The following RNF216 variants were observed in gnomAD, a reference collection of about 807,000 sequenced individuals.
RNF216 encodes ring finger protein 216.
In RNF216, 72 loss-of-function variants were observed where a neutral mutation model predicts 110.8. The observed-to-expected ratio is 0.65, with a 90% confidence interval of 0.54 to 0.79. RNF216 has a LOEUF of 0.79. RNF216 is among the 30% of genes least tolerant of loss of function. RNF216 has a pLI of 0.00. For synonymous variants in RNF216, 495 were observed against 407.5 expected, an observed-to-expected ratio of 1.21 and a Z score of -2.59; for missense variants, 1,342 against 1,141.2, an observed-to-expected ratio of 1.18 and a Z score of -2.54.
At chr7:5,623,989 G>T in intron 16 of RNF216, 67 bp downstream of exon 16, 2 of 1,386,944 alleles carry the variant, frequency 1.4e-6, no homozygotes, top group Non-Finnish European at 2.0e-6. Context: ...GACACTCAGG[G>T]AGGCCAGCAG....
intron 15 of RNF216, among the ~76,000 whole-genome samples, chr7:5,631,380 T>C (rs1335506698): frequency 6.6e-6 from 1 of 152,046 alleles, no homozygotes; most frequent in Non-Finnish European, 1.5e-5. Flanking sequence ...ATAACCCTCA[T>C]CTCTTGAGCC....
At chr7:5,711,059 T>C (rs1275212162) in intron 13 of RNF216, among the ~76,000 whole-genome samples, 1 of 152,222 alleles carries the variant, frequency 6.6e-6, no homozygotes, top group Non-Finnish European at 1.5e-5. Context: ...GCAAAGATAT[T>C]GCAGTGTTCA....
chr7:5,746,179 C>A (rs1795020546), intron 3 of RNF216, among the ~76,000 whole-genome samples: 1 of 152,132 alleles, frequency 6.6e-6, no homozygotes, highest in Non-Finnish European at 1.5e-5. Context: ...GCTCTGCTGT[C>A]TTTTTAGCAC....
chr7:5,657,482 G>C (rs925536343), intron 13 of RNF216, among the ~76,000 whole-genome samples: 3 of 152,124 alleles, frequency 2.0e-5, no homozygotes, highest in Non-Finnish European at 4.4e-5. Context: ...CAGGAGAATA[G>C]CTTGAACCCA....
At chr7:5,761,434 A>G (rs191327340) in intron 1 of RNF216, among the ~76,000 whole-genome samples, 64 of 152,358 alleles carry the variant, frequency 4.2e-4, no homozygotes, top group Middle Eastern at 3.4e-3. Flanking sequence ...AATTCACAAA[A>G]AAGAAAACAC....
chr7:5,781,005 A>C (rs974753703), intron 1 of RNF216, among the ~76,000 whole-genome samples: 1 of 151,858 alleles, frequency 6.6e-6, no homozygotes, highest in Non-Finnish European at 1.5e-5. Flanking sequence ...GCCCCGCAGA[A>C]GGGTTTGACG....
chr7:5,643,036 G>A (rs1467882457), intron 14 of RNF216, among the ~76,000 whole-genome samples: 1 of 152,080 alleles, frequency 6.6e-6, no homozygotes, highest in East Asian at 1.9e-4. Context: ...TTGCTCATCC[G>A]ATCTGTCTGG....
At chr7:5,772,913 G>A (rs1796574128) in intron 1 of RNF216, among the ~76,000 whole-genome samples, 1 of 151,874 alleles carries the variant, frequency 6.6e-6, no homozygotes, top group African/African-American at 2.4e-5. Context: ...CGAGTAGCTG[G>A]GATTACAGGC....
At chr7:5,773,241 A>T (rs1796595697) in intron 1 of RNF216, among the ~76,000 whole-genome samples, 1 of 151,686 alleles carries the variant, frequency 6.6e-6, no homozygotes, top group Non-Finnish European at 1.5e-5. Flanking sequence ...TTTTCCCCAA[A>T]TAAGATTTTT....
intron 13 of RNF216, among the ~76,000 whole-genome samples, chr7:5,694,420 A>G (rs977818818): frequency 1.7e-4 from 25 of 146,940 alleles, no homozygotes; most frequent in African/African-American, 6.3e-4. Context: ...CTATCTGGGT[A>G]ATAACATTTG....
chr7:5,721,127 C>T lies in RNF216; in HGVS notation c.1550G>A (p.Arg517Gln), dbSNP rs747273538. 5.6e-6 allele frequency: 9 copies of T among 1,613,760 alleles called. No homozygotes were observed. Among genetic ancestry groups the T allele is most frequent in the African/African-American group, 1.3e-5 (1 of 74,904 alleles). ...TCGGTCATAGGACCTACAATGTCGT[C>T]GCTTATTTTCAAGAAAGAACATCCT... Reference protein sequence around the residue: ...EKRMFFLENKRRHCRSYDRRA... With the variant: ...EKRMFFLENKQRHCRSYDRRA... The change falls in exon 9 of 17, where the codon CGA (arginine) becomes CAA (glutamine). Residue 517 changes from arginine to glutamine, a missense_variant. Coordinates refer to ENST00000389902, the MANE Select transcript of RNF216 (RefSeq NM_207111.4).
chr7:5,777,182 C>T (rs958295612), intron 1 of RNF216, among the ~76,000 whole-genome samples: 19 of 152,140 alleles, frequency 1.2e-4, no homozygotes, highest in Admixed American at 9.8e-4. Flanking sequence ...ATTGTGGAAG[C>T]GGATGCTCCA....
chr7:5,702,872 G>A (rs1272862278), intron 13 of RNF216, among the ~76,000 whole-genome samples: 2 of 152,184 alleles, frequency 1.3e-5, no homozygotes, highest in African/African-American at 4.8e-5. Context: ...TGGTGTCTGC[G>A]ACCCACTCAG....
chr7:5,698,683 C>T (rs768627197), intron 13 of RNF216, among the ~76,000 whole-genome samples: 2 of 152,152 alleles, frequency 1.3e-5, no homozygotes, highest in Non-Finnish European at 2.9e-5. Context: ...CATGAGCCAC[C>T]GCTCCGGCCT....
intron 3 of RNF216, among the ~76,000 whole-genome samples, chr7:5,747,745 TC>T (rs1562457384): frequency 1.8e-3 from 20 of 10,996 alleles, no homozygotes; most frequent in African/African-American, 6.0e-3. Flanking sequence ...AGACTCCATC[TC>T]AAAAAAAAAA....
intron 14 of RNF216, among the ~76,000 whole-genome samples, chr7:5,645,882 G>A (rs571043901): frequency 2.6e-5 from 4 of 152,272 alleles, no homozygotes; most frequent in African/African-American, 9.6e-5. Context: ...GAGCCACTGC[G>A]CCTGGCTGGT....
At chr7:5,650,809 T>C (rs1214591804) in intron 14 of RNF216, among the ~76,000 whole-genome samples, 2 of 152,190 alleles carry the variant, frequency 1.3e-5, no homozygotes, top group Admixed American at 6.5e-5. Flanking sequence ...TCCTTAACCA[T>C]ACAACCAAGG....
At chr7:5,690,044 G>T (rs1791235686) in intron 13 of RNF216, among the ~76,000 whole-genome samples, 1 of 152,110 alleles carries the variant, frequency 6.6e-6, no homozygotes, top group Middle Eastern at 3.4e-3. Context: ...AGGTTTTATG[G>T]CCAGGCGCGG....
rs564912065 is a variant in RNF216 at position 5,681,347 on chromosome 7, T to C, written c.2062-28837A>G. 2.0e-5 allele frequency among the ~76,000 whole-genome samples: 3 copies of C among 152,308 alleles called. No individual in the cohort carries two copies. In the South Asian group the frequency reaches 6.2e-4, roughly 32 times the overall value. Reference sequence around the variant, plus strand: ...CTGTTTTAGGAAAAAATACAAACTTTATTCTGAAAGAGAAAAGTCATCCTT... The same window carrying C: ...CTGTTTTAGGAAAAAATACAAACTTCATTCTGAAAGAGAAAAGTCATCCTT... On this transcript the variant is annotated intron_variant, in intron 13 of 16. Transcript: ENST00000389902.
Sources: gnomAD v4.1 joint callset for allele counts (sites outside exome capture counted in the v4.1 genomes callset) on GRCh38, gnomAD v4.1.1 for gene constraint, MANE v1.5 for transcripts, NCBI Gene and HGNC (gene_info 2026-07-23, HGNC 2026-07-21) for gene names.